The following ZNF280D variants were observed in gnomAD, a reference collection of about 807,000 sequenced individuals.
The protein encoded by ZNF280D is zinc finger protein 280D, also known as suppressor of hairy wing homolog 4.
A neutral mutation model predicts 94.7 loss-of-function variants in ZNF280D; 39 were observed. The observed-to-expected ratio is 0.41, with a 90% CI of 0.32 to 0.54. The LOEUF (loss-of-function observed/expected upper bound fraction) is 0.54, where lower values mean the gene tolerates loss of function less well. ZNF280D is among the 20% of genes least tolerant of loss of function. The pLI, the probability that ZNF280D is intolerant of heterozygous loss-of-function variation, is 0.22. For missense variants in ZNF280D, 1,090 were observed against 1,149.3 expected (o/e 0.95, Z 0.75); for synonymous variants, 398 against 377.6 (o/e 1.05, Z -0.63).
At chr15:56,696,699 G>T (rs1327585733) in intron 6 of ZNF280D, among the ~76,000 whole-genome samples, 1 of 152,166 alleles carries the variant, frequency 6.6e-6, no homozygotes, top group Non-Finnish European at 1.5e-5. Flanking sequence ...TCAGAGAAAA[G>T]TCACTTAAAC....
At chr15:56,641,304 C>T (rs1229576340) in intron 20 of ZNF280D, among the ~76,000 whole-genome samples, 1 of 152,002 alleles carries the variant, frequency 6.6e-6, no homozygotes, top group African/African-American at 2.4e-5. Flanking sequence ...TGTTTACTGA[C>T]TGTAAAGCTT....
intron 19 of ZNF280D, among the ~76,000 whole-genome samples, chr15:56,643,863 A>T (rs532244790): frequency 1.3e-5 from 2 of 151,988 alleles, no homozygotes; most frequent in South Asian, 4.1e-4. Context: ...ATTTAACATA[A>T]GCAGCAACTA....
intron 9 of ZNF280D, among the ~76,000 whole-genome samples, chr15:56,688,443 A>G (rs2141058645): frequency 6.8e-6 from 1 of 147,618 alleles, no homozygotes; most frequent in Non-Finnish European, 1.5e-5. Flanking sequence ...GTCCCCAGAG[A>G]TCTGCCACTG....
At chr15:56,681,938 T>C in intron 10 of ZNF280D, among the ~76,000 whole-genome samples, 1 of 152,090 alleles carries the variant, frequency 6.6e-6, no homozygotes, top group East Asian at 1.9e-4. Flanking sequence ...CAAAGGCAAT[T>C]AGAAAATAAA....
chr15:56,659,562 C>T (rs1336334663), intron 16 of ZNF280D, among the ~76,000 whole-genome samples: 1 of 151,708 alleles, frequency 6.6e-6, no homozygotes, highest in Non-Finnish European at 1.5e-5. Flanking sequence ...CTTTATTATA[C>T]ATAGTATGTA....
rs1333066144 is a variant in ZNF280D, at chr15:56,666,438, A to G, written c.1951T>C (p.Tyr651His). 1 of 1,606,466 alleles carries G rather than the reference A, an allele frequency of 6.2e-7. No homozygotes were observed. The highest frequency in any genetic ancestry group is 8.5e-7 in the Non-Finnish European group (1 of 1,177,824). ...PTYVHCSFCRYNTSCSKAYVN... is the reference protein window; with the variant it reads ...PTYVHCSFCRHNTSCSKAYVN... The stretch of plus-strand genomic sequence containing the variant: ...TAGGCTTTGCTACAGCTAGTGTTGT[A>G]TCTGCAAAAACTACAGTGGACGTAC... Residue 651 changes from tyrosine (Y) to histidine (H), a missense_variant, in exon 16 of 22, where the codon TAC becomes CAC. Around this residue, in one of 3 missense-constraint regions of ZNF280D, gnomAD observed 577 missense variants for 568.8 expected, o/e 1.01. Transcript: ENST00000267807.
intron 7 of ZNF280D, among the ~76,000 whole-genome samples, 155 bp from the exon 8 acceptor site, chr15:56,689,625 G>T (rs550362108): frequency 1.3e-5 from 2 of 151,732 alleles, no homozygotes; most frequent in African/African-American, 4.8e-5. Context: ...AAACTCAAGG[G>T]TGTAAAGAAA....
chr15:56,728,254 C>T (rs2058724472), intron 1 of ZNF280D, among the ~76,000 whole-genome samples: 1 of 152,066 alleles, frequency 6.6e-6, no homozygotes, highest in African/African-American at 2.4e-5. Context: ...AACTCCTAGG[C>T]TCAAGCAATC....
chr15:56,646,099 C>A lies in ZNF280D; in HGVS notation c.2214-3102G>T, dbSNP rs553073470. ...AAAAAGTTGAAAAGAGGCTGTAAAG[C>A]AACCAGTAGTAAAGTCAGCCAGTAA... is the stretch of plus-strand genomic sequence containing the variant. On this transcript the variant is annotated intron_variant, in intron 19 of 21. Coordinates refer to ENST00000267807, the MANE Select transcript of ZNF280D (RefSeq NM_017661.4). Among the ~76,000 whole-genome samples the A allele has an allele frequency of 4.6e-5, 7 of 152,224 alleles. 1 individual carries two copies. In the South Asian group the frequency reaches 1.5e-3, roughly 32 times the overall value.
At chr15:56,700,613 G>T in intron 6 of ZNF280D, 2 of 1,220,268 alleles carry the variant, frequency 1.6e-6, no homozygotes, top group Non-Finnish European at 2.0e-6. Context: ...ACCTGGTCCC[G>T]TCTGCAATCT....
chr15:56,668,974 AGAAAAAGGGG>A lies in ZNF280D; in HGVS notation c.1411-27_1411-18del, dbSNP rs1360340235. On this transcript the variant is annotated intron_variant, in intron 13 of 21. Coordinates refer to ENST00000267807, the MANE Select transcript of ZNF280D (RefSeq NM_017661.4). ...TCCTTTTTTCTGTTTAGAAAAAAACAGAAAAAGGGGGAAAAATAATTTCAAAAACTACAAA... is the reference window on the plus strand; with the variant it reads ...TCCTTTTTTCTGTTTAGAAAAAAACAGAAAAATAATTTCAAAAACTACAAA... 2 of 1,594,582 alleles carry A rather than the reference AGAAAAAGGGG, an allele frequency of 1.3e-6. No individual in the cohort carries two copies. The highest frequency in any genetic ancestry group is 8.5e-7 in the Non-Finnish European group (1 of 1,173,842).
rs1464437834 is a variant in ZNF280D at position 56,700,231 on chromosome 15, T to C, written c.381+702A>G. 9 of 929,814 alleles carry C rather than the reference T, an allele frequency of 9.7e-6. No individual in the cohort carries two copies. In the South Asian group the frequency reaches 3.0e-4, roughly 31 times the overall value. The allele number at this position is 929,814 out of a possible 1,614,324, so 57.6% of individuals were successfully genotyped here. On this transcript the variant is annotated intron_variant, in intron 6 of 21. Transcript: ENST00000267807. The stretch of plus-strand genomic sequence containing the variant: ...TATGTGTGCATATACATATAAACTA[T>C]GGGTTAGGCTGGATTGAAATCCCAG...
chr15:56,731,215 C>CACG (rs2058865674), intron 1 of ZNF280D, among the ~76,000 whole-genome samples: 1 of 152,056 alleles, frequency 6.6e-6, no homozygotes, highest in Non-Finnish European at 1.5e-5. Context: ...TTCAAAAGGT[C>CACG]AATTTCGCCC....
intron 3 of ZNF280D, 116 bp downstream of exon 3, chr15:56,706,966 A>C (rs2057442114): frequency 1.1e-6 from 1 of 925,392 alleles, no homozygotes; most frequent in Non-Finnish European, 1.7e-6. Flanking sequence ...TGTTACTTTA[A>C]CAATTTTAAG....
chr15:56,659,360 T>G (rs1441985420), intron 16 of ZNF280D, among the ~76,000 whole-genome samples: 1 of 151,982 alleles, frequency 6.6e-6, no homozygotes, highest in Non-Finnish European at 1.5e-5. Flanking sequence ...AAATATCACC[T>G]AACAGCTTAC....
At position 56,676,829 on chromosome 15, in the gene ZNF280D, A is replaced by G; in HGVS notation, c.1264-13T>C. ...TATAATTACAAACCTAAAAAAAGAA[A>G]GAAGGCTTAGTTTAACTTGAAAATT... On this transcript the variant is annotated splice_polypyrimidine_tract_variant and intron_variant, in intron 12 of 21. Coordinates refer to ENST00000267807, the MANE Select transcript of ZNF280D (RefSeq NM_017661.4). 1.9e-6 allele frequency: 3 copies of G among 1,570,024 alleles called. No homozygotes were observed. The highest frequency in any genetic ancestry group is 2.6e-6 in the Non-Finnish European group (3 of 1,155,034).
chr15:56,704,417 A>C, intron 3 of ZNF280D, 150 bp from the exon 4 acceptor site: 1 of 740,324 alleles, frequency 1.4e-6, no homozygotes, highest in Admixed American at 3.1e-5. Flanking sequence ...TGGTAACAAC[A>C]GTGAGAAATA....
intron 9 of ZNF280D, among the ~76,000 whole-genome samples, chr15:56,687,351 A>T (rs2056097086): frequency 6.6e-6 from 1 of 152,176 alleles, no homozygotes; most frequent in Non-Finnish European, 1.5e-5. Flanking sequence ...CCATGAAGTA[A>T]CACATAAAAG....
rs2056277853 is a variant in ZNF280D at position 56,689,347 on chromosome 15, G to A, written c.623C>T (p.Ser208Leu). ...SGANSSAVLP[S>L]VKSPSVTSSQ... ...AGAAGTCACTGAAGGAGATTTAACT[G>A]AAGGTAATACAGCTGAGGAATTTGC... Residue 208 changes from serine to leucine, a missense_variant, in exon 8 of 22, where the codon TCA (serine) becomes TTA (leucine). Transcript: ENST00000267807. 6.2e-7 allele frequency: 1 copy of A among 1,609,272 alleles called. No homozygotes were observed. The highest frequency in any genetic ancestry group is 8.5e-7 in the Non-Finnish European group (1 of 1,178,220).
Sources: allele counts gnomAD v4.1 joint callset (sites outside exome capture counted in the v4.1 genomes callset), GRCh38; gene constraint gnomAD v4.1.1; regional missense constraint gnomAD v4.1.1; transcripts MANE v1.5; gene names NCBI Gene and HGNC (gene_info 2026-07-23, HGNC 2026-07-21).